SBF2: variants seen among roughly 807,000 people sequenced by gnomAD.
SBF2 encodes the protein SET binding factor 2, also known as myotubularin-related protein 13.
SBF2 carries 112 observed loss-of-function variants against 225.2 expected under a neutral mutation model. The ratio of observed to expected loss-of-function variants is 0.50; its 90% confidence interval spans 0.43 to 0.58. SBF2 has a LOEUF of 0.58. Among genes scored for constraint, SBF2 ranks in the 20% least tolerant of loss-of-function variants. SBF2 has a pLI of 0.00. For missense variants in SBF2, 1,996 were observed against 2,206.2 expected, an observed-to-expected ratio of 0.90 and a Z score of 1.91; for synonymous variants, 763 against 773.3, an observed-to-expected ratio of 0.99 and a Z score of 0.22.
At chr11:10,186,596 C>G (rs1480166259) in intron 2 of SBF2, among the ~76,000 whole-genome samples, 1 of 152,172 alleles carries the variant, frequency 6.6e-6, no homozygotes, top group Non-Finnish European at 1.5e-5. Context: ...GCCCTGTTAT[C>G]TAGGGGTTTT....
intron 16 of SBF2, among the ~76,000 whole-genome samples, chr11:9,942,412 G>A (rs1865309066): frequency 6.6e-6 from 1 of 152,138 alleles, no homozygotes; most frequent in Non-Finnish European, 1.5e-5. Flanking sequence ...TTATAGATAC[G>A]AAAACTTGCA....
At chr11:10,238,626 A>G (rs145549298) in intron 1 of SBF2, among the ~76,000 whole-genome samples, 1 of 150,712 alleles carries the variant, frequency 6.6e-6, no homozygotes, top group African/African-American at 2.4e-5. Flanking sequence ...AATCCAAAAT[A>G]ACATGGCTGG....
At chr11:10,187,944 A>C (rs779675029) in intron 2 of SBF2, among the ~76,000 whole-genome samples, 1 of 152,222 alleles carries the variant, frequency 6.6e-6, no homozygotes, top group Non-Finnish European at 1.5e-5. Flanking sequence ...AATGAGAGTA[A>C]ATAACAACAA....
intron 36 of SBF2, among the ~76,000 whole-genome samples, chr11:9,785,611 T>C (rs542770857): frequency 4.3e-4 from 65 of 152,210 alleles, no homozygotes; most frequent in African/African-American, 1.4e-3. Flanking sequence ...CATGTAATCC[T>C]AGCACTTTGG....
At chr11:9,970,367 G>A (rs925340546) in intron 13 of SBF2, among the ~76,000 whole-genome samples, 10 of 151,904 alleles carry the variant, frequency 6.6e-5, no homozygotes, top group Admixed American at 4.6e-4. Flanking sequence ...CACCACGCCC[G>A]GCTAATTTTT....
chr11:10,179,396 AC>A (rs1009946190), intron 2 of SBF2, among the ~76,000 whole-genome samples: 7 of 150,274 alleles, frequency 4.7e-5, no homozygotes, highest in East Asian at 4.0e-4. Flanking sequence ...ACAAAAAAAA[AC>A]AAAAACAAAA....
At chr11:10,273,721 T>A (rs1210310701) in intron 1 of SBF2, among the ~76,000 whole-genome samples, 3 of 152,194 alleles carry the variant, frequency 2.0e-5, no homozygotes, top group Non-Finnish European at 1.5e-5. Context: ...AGGCCTTGGA[T>A]AAGAAATGGA....
chr11:10,101,272 C>CA (rs1336439888), intron 2 of SBF2, among the ~76,000 whole-genome samples: 3 of 152,176 alleles, frequency 2.0e-5, no homozygotes, highest in Non-Finnish European at 4.4e-5. Context: ...TGGAGTGAAT[C>CA]AAAGGCAACA....
chr11:10,190,957 C>G (rs1009335115), intron 2 of SBF2, among the ~76,000 whole-genome samples: 1 of 152,160 alleles, frequency 6.6e-6, no homozygotes, highest in Non-Finnish European at 1.5e-5. Flanking sequence ...GGTTTGAATC[C>G]TAGCTCTGCT....
chr11:10,170,378 G>A (rs1444403622), intron 2 of SBF2, among the ~76,000 whole-genome samples: 2 of 152,072 alleles, frequency 1.3e-5, no homozygotes, highest in African/African-American at 2.4e-5. Context: ...ATTTACTGAA[G>A]AGACTGTCTT....
At chr11:9,833,930 CT>C (rs1328538091) in intron 26 of SBF2, among the ~76,000 whole-genome samples, 1 of 151,286 alleles carries the variant, frequency 6.6e-6, no homozygotes, top group Non-Finnish European at 1.5e-5. Flanking sequence ...GCCACCACGC[CT>C]GGCTAATTTT....
chr11:10,255,925 C>T (rs910450569), intron 1 of SBF2, among the ~76,000 whole-genome samples: 8 of 152,182 alleles, frequency 5.3e-5, no homozygotes, highest in Non-Finnish European at 7.3e-5. Context: ...TGGTCAACAG[C>T]GCCACAAGCA....
intron 31 of SBF2, chr11:9,808,495 T>A (rs1057259873): frequency 6.5e-6 from 3 of 464,304 alleles, no homozygotes; most frequent in Non-Finnish European, 1.2e-5. Flanking sequence ...TAAAATCAAT[T>A]CTACTTTTTG....
At chr11:9,987,947 G>A (rs914933189) in intron 13 of SBF2, among the ~76,000 whole-genome samples, 1 of 152,034 alleles carries the variant, frequency 6.6e-6, no homozygotes, top group African/African-American at 2.4e-5. Flanking sequence ...CTAAAAAAGA[G>A]CCCGCATAGC....
chr11:9,927,919 A>T (rs1353994693), intron 16 of SBF2, among the ~76,000 whole-genome samples: 1 of 152,238 alleles, frequency 6.6e-6, no homozygotes, highest in South Asian at 2.1e-4. Flanking sequence ...TTGTAAAAGA[A>T]ATGAACTTGG....
At chr11:9,863,587 AAATCACTTT>A (rs1354558362) in intron 17 of SBF2, among the ~76,000 whole-genome samples, 1 of 152,174 alleles carries the variant, frequency 6.6e-6, no homozygotes, top group Admixed American at 6.5e-5. Flanking sequence ...TCCAGATATT[AAATCACTTT>A]AATAATTAAT....
At chr11:10,025,587 A>G (rs1949020185) in intron 6 of SBF2, among the ~76,000 whole-genome samples, 1 of 151,946 alleles carries the variant, frequency 6.6e-6, no homozygotes, top group Non-Finnish European at 1.5e-5. Context: ...GCCTTCAAGC[A>G]GATGTTATTT....
At chr11:10,274,484 C>T (rs1215872582) in intron 1 of SBF2, among the ~76,000 whole-genome samples, 1 of 152,112 alleles carries the variant, frequency 6.6e-6, no homozygotes, top group Non-Finnish European at 1.5e-5. Context: ...AGAGTAGTCG[C>T]TCACGCCTAT....
Position 10,193,654 on chromosome 11 carries a change from C to A in SBF2, c.141+248G>T, listed in dbSNP as rs150396526. Among the ~76,000 whole-genome samples, 378 of 152,066 alleles carry A rather than the reference C, an allele frequency of 2.5e-3. 2 individuals are homozygous for A. Among genetic ancestry groups the A allele is most frequent in the African/African-American group, 8.8e-3 (364 of 41,504 alleles). Reference sequence around the variant, plus strand: ...GGCATGAGCCACCGCGCCTGGCCCTCAATTTCAGCTTTAATATTAGAAATT... The same window carrying A: ...GGCATGAGCCACCGCGCCTGGCCCTAAATTTCAGCTTTAATATTAGAAATT... On this transcript the variant is annotated intron_variant, in intron 2 of 39. Coordinates refer to ENST00000256190, the MANE Select transcript of SBF2 (RefSeq NM_030962.4).
Sources: allele counts gnomAD v4.1 joint callset (sites outside exome capture counted in the v4.1 genomes callset), GRCh38; gene constraint gnomAD v4.1.1; transcripts MANE v1.5; gene names NCBI Gene and HGNC (gene_info 2026-07-23, HGNC 2026-07-21).